Variants in AGMO observed in about 807,000 individuals in gnomAD.
The protein encoded by AGMO is glyceryl-ether monooxygenase.
AGMO carries 75 observed loss-of-function variants against 60.2 expected under a neutral mutation model. The observed-to-expected ratio is 1.25, with a 90% CI of 1.03 to 1.51. The LOEUF is 1.51. AGMO is among the 40% of genes most tolerant of loss of function. The probability of loss-of-function intolerance (pLI) is 0.00; values close to 1 mark genes in which losing one functional copy is unlikely to be tolerated. For synonymous variants in AGMO, 261 were observed against 177.1 expected, an observed-to-expected ratio of 1.47 and a Z score of -3.76; for missense variants, 763 against 525.5, an observed-to-expected ratio of 1.45 and a Z score of -4.42.
At chr7:15,475,188 C>G (rs1332308175) in intron 3 of AGMO, among the ~76,000 whole-genome samples, 2 of 152,130 alleles carry the variant, frequency 1.3e-5, no homozygotes, top group African/African-American at 4.8e-5. Context: ...AATCCCATTA[C>G]TGGTTATATA....
At chr7:15,181,255 T>C in the AGMO span, among the ~76,000 whole-genome samples, 1 of 152,204 alleles carries the variant, frequency 6.6e-6, no homozygotes, top group Non-Finnish European at 1.5e-5. Flanking sequence ...ATCTGGCTAT[T>C]ATCACTTCAT....
chr7:15,412,176 T>A (rs1039070257), intron 5 of AGMO, among the ~76,000 whole-genome samples: 3 of 152,176 alleles, frequency 2.0e-5, no homozygotes, highest in African/African-American at 7.2e-5. Flanking sequence ...TTTCTCATTT[T>A]GCACATTGCA....
At chr7:15,543,607 C>T (rs1317723724) in intron 3 of AGMO, among the ~76,000 whole-genome samples, 1 of 152,012 alleles carries the variant, frequency 6.6e-6, no homozygotes, top group Non-Finnish European at 1.5e-5. Context: ...TTGCAGGGTC[C>T]TTCTGAATGA....
chr7:15,135,220 T>C, the AGMO span, among the ~76,000 whole-genome samples: 1 of 151,842 alleles, frequency 6.6e-6, no homozygotes. Context: ...TACGTGTGCC[T>C]ATAGTTTTTT....
chr7:15,229,375 T>C (rs1235467881), intron 12 of AGMO, among the ~76,000 whole-genome samples: 1 of 151,808 alleles, frequency 6.6e-6, no homozygotes, highest in Non-Finnish European at 1.5e-5. Context: ...TTCTAAGGGT[T>C]CGAATACAAA....
At chr7:15,433,073 T>G (rs780954248) in intron 3 of AGMO, among the ~76,000 whole-genome samples, 7 of 152,090 alleles carry the variant, frequency 4.6e-5, no homozygotes, top group Non-Finnish European at 1.0e-4. Context: ...CTTATAAACC[T>G]TCATTGAAAA....
chr7:15,493,849 C>CT (rs1220061296), intron 3 of AGMO, among the ~76,000 whole-genome samples: 3 of 151,932 alleles, frequency 2.0e-5, no homozygotes, highest in South Asian at 2.1e-4. Flanking sequence ...GTATGCTTCT[C>CT]TTTTTTTGTT....
In AGMO at chr7:15,561,790, A is replaced by G. The variant is rs1474257315; in HGVS notation, c.56T>C (p.Leu19Ser). Reference protein sequence around the residue: ...DVSVSQGFRMLFYTMKPSETS... With the variant: ...DVSVSQGFRMSFYTMKPSETS... ...TTCACTGGGTTTCATCGTGTAAAACAACATGCGAAATCCCTGGGAAACTGA... is the reference window on the plus strand; with the variant it reads ...TTCACTGGGTTTCATCGTGTAAAACGACATGCGAAATCCCTGGGAAACTGA... Residue 19 changes from leucine (L) to serine (S), a missense_variant, in exon 1 of 13, where the codon TTG becomes TCG. Coordinates refer to ENST00000342526, the MANE Select transcript of AGMO (RefSeq NM_001004320.2). 30 of 1,611,744 alleles carry G rather than the reference A, an allele frequency of 1.9e-5. No individual in the cohort carries two copies. Among genetic ancestry groups the G allele is most frequent in the Non-Finnish European group, 2.5e-5 (29 of 1,178,464 alleles).
intron 3 of AGMO, among the ~76,000 whole-genome samples, chr7:15,432,553 C>A (rs1781285521): frequency 6.6e-6 from 1 of 151,506 alleles, no homozygotes; most frequent in African/African-American, 2.4e-5. Flanking sequence ...ATAAACAGAA[C>A]TGTGGTTAGT....
In AGMO at chr7:15,376,461, T is replaced by A. The variant is rs77018889; in HGVS notation, c.1074+8985A>T. On this transcript the variant is annotated intron_variant, in intron 10 of 12. Coordinates refer to ENST00000342526, the MANE Select transcript of AGMO (RefSeq NM_001004320.2). ...TACAAAATTGTAGTGCCCATAATGT[T>A]TTACAGAGTATGGCATTCAGGGGAA... Among the ~76,000 whole-genome samples the A allele has an allele frequency of 7.9e-5, 12 of 152,172 alleles. No individual in the cohort carries two copies. The East Asian group carries it at 2.3e-3, about 29-fold the overall frequency.
rs75461393 is a variant in AGMO, at chr7:15,456,465, G to A, written c.410-25357C>T. Among the ~76,000 whole-genome samples, 249 of 152,158 alleles carry A rather than the reference G, an allele frequency of 1.6e-3. 1 individual carries two copies. Among genetic ancestry groups the A allele is most frequent in the African/African-American group, 5.3e-3 (222 of 41,546 alleles). On this transcript the variant is annotated intron_variant, in intron 3 of 12. Transcript: ENST00000342526. ...ATTAGAATTTTTCAGGGATTCTTGA[G>A]GCCAGTGAGGACAGATTTATTAAGT... is the stretch of plus-strand genomic sequence containing the variant.
intron 3 of AGMO, among the ~76,000 whole-genome samples, chr7:15,535,023 C>A (rs1381779537): frequency 6.6e-6 from 1 of 151,934 alleles, no homozygotes; most frequent in Admixed American, 6.6e-5. Flanking sequence ...TTAAACTTCT[C>A]AAGTAGTCTG....
At chr7:15,369,577 G>C (rs1464173903) in intron 10 of AGMO, among the ~76,000 whole-genome samples, 1 of 151,918 alleles carries the variant, frequency 6.6e-6, no homozygotes, top group Non-Finnish European at 1.5e-5. Context: ...TCAAATACAT[G>C]TCCTTGTCCC....
rs796408215 is a variant in AGMO, at chr7:15,480,397, G to A, written c.410-49289C>T. Among the ~76,000 whole-genome samples, 7 of 152,226 alleles carry A rather than the reference G, an allele frequency of 4.6e-5. No individual in the cohort carries two copies. In the South Asian group the frequency reaches 8.3e-4, roughly 18 times the overall value. ...AATGAAGGAGTAAAAATGGGATTGA[G>A]TAGCCTTCAGTGCATAGTTGATGGG... On this transcript the variant is annotated intron_variant, in intron 3 of 12. Coordinates refer to ENST00000342526, the MANE Select transcript of AGMO (RefSeq NM_001004320.2).
Position 15,309,258 on chromosome 7 carries a change from G to A in AGMO, c.1263+56256C>T, listed in dbSNP as rs575813408. On this transcript the variant is annotated intron_variant, in intron 12 of 12. Transcript: ENST00000342526. ...TCCTTACTGAGCAGTTTTACAGACA[G>A]GCAAGCTGAGTAGGGCCAACATTTT... Among the ~76,000 whole-genome samples the A allele has an allele frequency of 6.1e-4, 93 of 152,100 alleles. 1 individual carries two copies. Among genetic ancestry groups the A allele is most frequent in the Non-Finnish European group, 1.2e-3 (79 of 68,018 alleles).
chr7:15,560,391 T>C, intron 1 of AGMO, 120 bp from the exon 2 acceptor site: 1 of 1,002,400 alleles, frequency 1.0e-6, no homozygotes, highest in Non-Finnish European at 1.4e-6. Context: ...CAGGAGATGG[T>C]AGACACTCAT....
chr7:15,365,423 A>T, intron 12 of AGMO, 91 bp downstream of exon 12: 1 of 580,710 alleles, frequency 1.7e-6, no homozygotes, highest in African/African-American at 2.3e-5. Context: ...TGTACTGGTC[A>T]GAAATGAAGT....
intron 12 of AGMO, among the ~76,000 whole-genome samples, chr7:15,327,960 G>T (rs1362260008): frequency 6.6e-6 from 1 of 151,110 alleles, no homozygotes; most frequent in African/African-American, 2.4e-5. Flanking sequence ...TTTTTTGGTT[G>T]AGACAGGGTC....
At chr7:15,234,844 A>T (rs375465605) in intron 12 of AGMO, among the ~76,000 whole-genome samples, 116 of 152,300 alleles carry the variant, frequency 7.6e-4, no homozygotes, top group Non-Finnish European at 1.4e-3. Context: ...CAATTTTAAC[A>T]TGTAAAAAGT....
Sources: gnomAD v4.1 joint callset for allele counts (sites outside exome capture counted in the v4.1 genomes callset) on GRCh38, gnomAD v4.1.1 for gene constraint, MANE v1.5 for transcripts, NCBI Gene and HGNC (gene_info 2026-07-23, HGNC 2026-07-21) for gene names.